BTRC: variants seen among roughly 807,000 people sequenced by gnomAD.
BTRC encodes beta-transducin repeat containing E3 ubiquitin protein ligase.
BTRC carries 42 observed loss-of-function variants against 85.5 expected under a neutral mutation model. The ratio of observed to expected loss-of-function variants is 0.49; its 90% CI spans 0.38 to 0.64. The LOEUF (loss-of-function observed/expected upper bound fraction) is 0.64, where lower values mean the gene tolerates loss of function less well. BTRC is among the 30% of genes least tolerant of loss of function. The probability of loss-of-function intolerance (pLI) is 0.00; values close to 1 mark genes in which losing one functional copy is unlikely to be tolerated. For missense variants in BTRC, 594 were observed against 743.5 expected, an observed-to-expected ratio of 0.80 and a Z score of 2.34; for synonymous variants, 255 against 263.3, an observed-to-expected ratio of 0.97 and a Z score of 0.30.
At position 101,376,980 on chromosome 10, in the gene BTRC, A is replaced by G. The variant is rs534729691; in HGVS notation, c.48+22752A>G. On this transcript the variant is annotated intron_variant, in intron 1 of 14. Coordinates refer to ENST00000370187, the MANE Select transcript of BTRC (RefSeq NM_033637.4). Reference sequence around the variant, plus strand: ...AAAATGGATTTTTCTTAATGTACACAGTTTTAGGAATTCTAATATGTGTAG... The same window carrying G: ...AAAATGGATTTTTCTTAATGTACACGGTTTTAGGAATTCTAATATGTGTAG... 2.0e-5 allele frequency among the ~76,000 whole-genome samples: 3 copies of G among 152,272 alleles called. No homozygotes were observed. The South Asian group carries it at 6.2e-4, about 32-fold the overall frequency.
At chr10:101,377,756 G>A (rs1037576863) in intron 1 of BTRC, among the ~76,000 whole-genome samples, 2 of 152,130 alleles carry the variant, frequency 1.3e-5, no homozygotes, top group Non-Finnish European at 2.9e-5. Flanking sequence ...TTTTTAAAAA[G>A]GAGTTTGTAC....
chr10:101,366,906 ATTAATATATATTT>A (rs1942430249), intron 1 of BTRC, among the ~76,000 whole-genome samples: 2 of 29,430 alleles, frequency 6.8e-5, no homozygotes, highest in Non-Finnish European at 1.2e-4. Context: ...ATTTATATAT[ATTAATATATATTT>A]ATATATATTT....
chr10:101,370,059 ACT>A (rs748977982), intron 1 of BTRC, among the ~76,000 whole-genome samples: 78 of 151,606 alleles, frequency 5.1e-4, no homozygotes, highest in Middle Eastern at 3.4e-3. Flanking sequence ...GGACTTCAAC[ACT>A]CTGTGCAGGG....
At chr10:101,541,413 C>G (rs1196742210) in intron 13 of BTRC, among the ~76,000 whole-genome samples, 1 of 152,178 alleles carries the variant, frequency 6.6e-6, no homozygotes, top group African/African-American at 2.4e-5. Flanking sequence ...GCACGTGCCA[C>G]CATGCCCGGC....
intron 4 of BTRC, among the ~76,000 whole-genome samples, chr10:101,516,019 T>A (rs1182901515): frequency 6.6e-6 from 1 of 152,200 alleles, no homozygotes; most frequent in Non-Finnish European, 1.5e-5. Flanking sequence ...TGTGAGTATG[T>A]TCACCTTGTG....
intron 1 of BTRC, among the ~76,000 whole-genome samples, chr10:101,362,491 G>A (rs1205195059): frequency 6.6e-6 from 1 of 151,598 alleles, no homozygotes; most frequent in Non-Finnish European, 1.5e-5. Flanking sequence ...CGCCTCCCGG[G>A]TTCAAGCTAT....
chr10:101,513,691 T>C (rs2061985789), intron 4 of BTRC, among the ~76,000 whole-genome samples: 1 of 152,098 alleles, frequency 6.6e-6, no homozygotes. Context: ...GATGGACATT[T>C]GGATTATTAC....
chr10:101,421,530 A>G (rs1944099650), intron 1 of BTRC, among the ~76,000 whole-genome samples: 1 of 151,630 alleles, frequency 6.6e-6, no homozygotes, highest in Non-Finnish European at 1.5e-5. Flanking sequence ...GGTTTGTTAC[A>G]TATGTATACA....
intron 4 of BTRC, among the ~76,000 whole-genome samples, chr10:101,500,411 CACATGGTGCATGACTGTACT>C (rs1375529590): frequency 3.9e-5 from 6 of 152,258 alleles, no homozygotes; most frequent in African/African-American, 1.2e-4. Context: ...AAAATATCAT[CACATGGTGCATGACTGTACT>C]TTGATTTGGC....
intron 1 of BTRC, among the ~76,000 whole-genome samples, chr10:101,424,986 GT>G (rs765074250): frequency 6.6e-6 from 1 of 152,100 alleles, no homozygotes; most frequent in Non-Finnish European, 1.5e-5. Flanking sequence ...CTCAGTGTCT[GT>G]TCCCTTCTTT....
intron 13 of BTRC, among the ~76,000 whole-genome samples, chr10:101,542,624 T>C (rs553192137): frequency 8.5e-5 from 13 of 152,352 alleles, no homozygotes; most frequent in Admixed American, 1.3e-4. Flanking sequence ...CAGGCTGGAA[T>C]GCAGTGGCAC....
chr10:101,406,676 G>A (rs1227837176), intron 1 of BTRC, among the ~76,000 whole-genome samples: 1 of 151,886 alleles, frequency 6.6e-6, no homozygotes, highest in Non-Finnish European at 1.5e-5. Flanking sequence ...TGGAGTTACA[G>A]GCACGTGCCA....
At chr10:101,418,733 G>A (rs550147906) in intron 1 of BTRC, among the ~76,000 whole-genome samples, 2 of 151,788 alleles carry the variant, frequency 1.3e-5, no homozygotes, top group African/African-American at 4.8e-5. Context: ...TGGGGTACAT[G>A]TGCAGGATGT....
At chr10:101,552,875 A>G (rs762264873) in intron 14 of BTRC, among the ~76,000 whole-genome samples, 30 of 152,142 alleles carry the variant, frequency 2.0e-4, no homozygotes, top group Non-Finnish European at 3.5e-4. Flanking sequence ...AGTGAAAGCT[A>G]TGCCAACCGT....
chr10:101,355,931 A>G (rs1178405617), intron 1 of BTRC, among the ~76,000 whole-genome samples: 1 of 152,224 alleles, frequency 6.6e-6, no homozygotes, highest in Non-Finnish European at 1.5e-5. Flanking sequence ...TTGAACTTTT[A>G]CTGGACTTTA....
intron 4 of BTRC, among the ~76,000 whole-genome samples, chr10:101,489,943 T>C (rs1946086117): frequency 6.6e-6 from 1 of 152,242 alleles, no homozygotes. Flanking sequence ...ACAAGTCACC[T>C]TAAAGTCTAC....
intron 4 of BTRC, among the ~76,000 whole-genome samples, chr10:101,482,705 A>G (rs757719903): frequency 4.0e-5 from 6 of 151,846 alleles, no homozygotes; most frequent in Admixed American, 6.6e-5. Flanking sequence ...AACTGTTTCT[A>G]TTGGCCTCTA....
intron 1 of BTRC, among the ~76,000 whole-genome samples, chr10:101,426,553 G>T (rs996130226): frequency 1.3e-5 from 2 of 152,220 alleles, no homozygotes; most frequent in African/African-American, 4.8e-5. Context: ...ATTCTTTGTT[G>T]TTAGTAGTTT....
chr10:101,369,490 T>A (rs1942571361), intron 1 of BTRC, among the ~76,000 whole-genome samples: 1 of 152,234 alleles, frequency 6.6e-6, no homozygotes, highest in Admixed American at 6.5e-5. Flanking sequence ...CATTTTCTTG[T>A]TTACTGAAAG....
Sources: gnomAD v4.1 joint callset for allele counts (sites outside exome capture counted in the v4.1 genomes callset) on GRCh38, gnomAD v4.1.1 for gene constraint, MANE v1.5 for transcripts, NCBI Gene and HGNC (gene_info 2026-07-23, HGNC 2026-07-21) for gene names.